Variants in NRBP1 observed in about 807,000 individuals in gnomAD.
NRBP1 encodes nuclear receptor-binding protein.
A neutral mutation model predicts 76.0 loss-of-function variants in NRBP1; 10 were observed. The ratio of observed to expected loss-of-function variants is 0.13; its 90% CI spans 0.08 to 0.22. The LOEUF (loss-of-function observed/expected upper bound fraction) is 0.22. NRBP1 is among the 10% of genes least tolerant of loss of function. NRBP1 has a pLI of 1.00. For missense variants in NRBP1, 344 were observed against 646.0 expected (o/e 0.53, Z 5.07); for synonymous variants, 235 against 240.2 (o/e 0.98, Z 0.20).
intron 17 of NRBP1, 29 bp from the exon 18 acceptor site, chr2:27,441,679 C>A: frequency 1.2e-6 from 2 of 1,610,454 alleles, no homozygotes; most frequent in Non-Finnish European, 1.7e-6. Flanking sequence ...TTCTCTCAGC[C>A]CCCATCTTAC....
chr2:27,440,471 A>G lies in NRBP1; in HGVS notation c.1105A>G (p.Ile369Val). Residue 369 changes from isoleucine (I) to valine (V), a missense_variant, in exon 12 of 18, where the codon ATC becomes GTC. Physicochemically the swap from Ile to Val is conservative, Grantham distance 29 (BLOSUM62 3). Coordinates refer to ENST00000379852, the MANE Select transcript of NRBP1 (RefSeq NM_013392.4). ...NMDTSAVLAE[I>V]PAGPGREPVQ... The stretch of plus-strand genomic sequence containing the variant: ...GGATACTAGTGCCGTACTGGCTGAA[A>G]TCCCTGCAGGACCAGGAAGAGAACC... 6.2e-7 allele frequency: 1 copy of G among 1,614,086 alleles called. No individual in the cohort carries two copies. Among genetic ancestry groups the G allele is most frequent in the East Asian group, 2.2e-5 (1 of 44,884 alleles).
In NRBP1 at chr2:27,433,489, G is replaced by A. The variant is rs1664186579; in HGVS notation, c.210+6G>A. On this transcript the variant is annotated splice_donor_region_variant and intron_variant, in intron 2 of 17. Coordinates refer to ENST00000379852, the MANE Select transcript of NRBP1 (RefSeq NM_013392.4). ...GGCAGAAGAGGCGAGAAGAGGTAAG[G>A]TTATGGTACAGTTACTCTTGGGTGA... The A allele has an allele frequency of 6.2e-7, 1 of 1,613,766 alleles. No individual in the cohort carries two copies.
At chr2:27,435,492 GT>G in intron 7 of NRBP1, 1 of 611,138 alleles carries the variant, frequency 1.6e-6, no homozygotes, top group East Asian at 2.7e-5. Context: ...CAAGAGATAG[GT>G]TTGAGGTTTG....
rs375759065 is a variant in NRBP1, at chr2:27,433,711, C to T, written c.249C>T (p.Tyr83=). Reference sequence around the variant, plus strand: ...ATGTACCAGGTATTGACAGTGCATACCTGGCCATGGATACAGAGGAAGGTG... The same window carrying T: ...ATGTACCAGGTATTGACAGTGCATATCTGGCCATGGATACAGAGGAAGGTG... ...QRNVPGIDSA[Y]LAMDTEEGVE... is the part of the protein sequence containing the mutation. The change falls in exon 3 of 18, where the codon TAC becomes TAT. Residue 83 remains tyrosine, a synonymous_variant. Transcript: ENST00000379852. 201 of 1,614,040 alleles carry T rather than the reference C, an allele frequency of 1.2e-4. No homozygotes were observed. The highest frequency in any genetic ancestry group is 1.6e-4 in the Non-Finnish European group (191 of 1,180,016).
In NRBP1 at chr2:27,439,342, G is replaced by A. The variant is rs531934785; in HGVS notation, c.904-424G>A. On this transcript the variant is annotated intron_variant, in intron 10 of 17. Coordinates refer to ENST00000379852, the MANE Select transcript of NRBP1 (RefSeq NM_013392.4). ...CTACTGAAAATACAAAAAATTAGCCGGGCATGGTGGTGGGCACCTGTAGTC... is the reference window on the plus strand; with the variant it reads ...CTACTGAAAATACAAAAAATTAGCCAGGCATGGTGGTGGGCACCTGTAGTC... 5.9e-5 allele frequency among the ~76,000 whole-genome samples: 9 copies of A among 151,958 alleles called. No homozygotes were observed. The South Asian group carries it at 1.9e-3, about 32-fold the overall frequency.
chr2:27,433,939 TA>T, intron 3 of NRBP1, 49 bp from the exon 4 acceptor site: 1 of 1,559,598 alleles, frequency 6.4e-7, no homozygotes, highest in Non-Finnish European at 8.6e-7. Context: ...TTCTCAGGAT[TA>T]TTACAGTGAT....
Position 27,441,198 on chromosome 2 carries a change from G to A in NRBP1, c.1383+18G>A. The A allele has an allele frequency of 1.2e-6, 2 of 1,614,068 alleles. No homozygotes were observed. Among genetic ancestry groups the A allele is most frequent in the Non-Finnish European group, 1.7e-6 (2 of 1,179,978 alleles). ...AACACCACGTAAGGCTCAGGGCTAG[G>A]GTTGCGCAGGGCTAGTAGCCAGAGG... On this transcript the variant is annotated intron_variant, in intron 15 of 17. Coordinates refer to ENST00000379852, the MANE Select transcript of NRBP1 (RefSeq NM_013392.4).
chr2:27,440,572 C>T (rs748947282), intron 12 of NRBP1, 64 bp downstream of exon 12: 6 of 1,600,864 alleles, frequency 3.7e-6, no homozygotes, highest in Admixed American at 1.7e-5. Context: ...GCTCTGTAAA[C>T]TGTCCATTCT....
Position 27,433,284 on chromosome 2 carries a change from G to C in NRBP1, c.11G>C (p.Gly4Ala). MSE[G>A]ESQTVLSSGS... The stretch of plus-strand genomic sequence containing the variant: ...AGTGTTCCTTCCAGCATGTCGGAGG[G>C]GGAGTCCCAGACAGTACTTAGCAGT... Residue 4 changes from glycine (G) to alanine (A), a missense_variant, in exon 2 of 18, where the codon GGG (glycine) becomes GCG (alanine). Gly to Ala is a moderately conservative substitution (Grantham distance 60, BLOSUM62 0). Transcript: ENST00000379852. 1 of 1,613,734 alleles carries C rather than the reference G, an allele frequency of 6.2e-7. No homozygotes were observed. The highest frequency in any genetic ancestry group is 8.5e-7 in the Non-Finnish European group (1 of 1,179,942).
intron 1 of NRBP1, among the ~76,000 whole-genome samples, chr2:27,430,469 CTT>C (rs977927783): frequency 7.9e-5 from 11 of 138,668 alleles, no homozygotes; most frequent in Admixed American, 1.5e-4. Flanking sequence ...TTCTTTTTTT[CTT>C]TTTTTTTTTT....
At chr2:27,427,797 A>C (rs1663926238), upstream of NRBP1, 1 of 152,168 alleles carries the variant, frequency 6.6e-6, no homozygotes, top group South Asian at 2.1e-4. Flanking sequence ...TCCATCATAC[A>C]CGTCTAAGGG....
chr2:27,440,167 A>G (rs2148454047), intron 11 of NRBP1: 1 of 562,830 alleles, frequency 1.8e-6, no homozygotes, highest in South Asian at 2.2e-5. Context: ...ATGTGCCACC[A>G]TGCCTGGGTA....
At chr2:27,431,297 C>G (rs1260192518) in intron 1 of NRBP1, among the ~76,000 whole-genome samples, 1 of 152,154 alleles carries the variant, frequency 6.6e-6, no homozygotes, top group Admixed American at 6.5e-5. Flanking sequence ...GAGACTCCAT[C>G]CCCTCTGCCA....
intron 10 of NRBP1, among the ~76,000 whole-genome samples, chr2:27,438,462 A>G (rs1233731865): frequency 1.3e-5 from 2 of 152,230 alleles, no homozygotes; most frequent in African/African-American, 4.8e-5. Context: ...AAACAAGAAC[A>G]GTTTGTAACT....
At chr2:27,436,884 C>A in intron 8 of NRBP1, 48 bp downstream of exon 8, 1 of 1,545,016 alleles carries the variant, frequency 6.5e-7, no homozygotes, top group Non-Finnish European at 8.9e-7. Context: ...CCTGCTTTTG[C>A]ACCTTATAAC....
chr2:27,441,303 C>T lies in NRBP1; in HGVS notation c.1420C>T (p.Arg474Trp). The T allele has an allele frequency of 1.2e-6, 2 of 1,614,070 alleles. No homozygotes were observed. Among genetic ancestry groups the T allele is most frequent in the South Asian group, 1.1e-5 (1 of 91,078 alleles). Residue 474 changes from arginine to tryptophan, a missense_variant, in exon 16 of 18, where the codon CGG becomes TGG. Physicochemically the swap from Arg to Trp is moderately radical, Grantham distance 101. This residue lies in a region of NRBP1 where 218 missense variants were observed against 309.8 expected (regional missense o/e 0.70). Coordinates refer to ENST00000379852, the MANE Select transcript of NRBP1 (RefSeq NM_013392.4). ...LLLKLEDKLN[R>W]HLSCDLMPNE... ...GCTGAAGTTGGAGGACAAACTGAAC[C>T]GGCACCTGAGCTGTGACCTGATGCC... is the stretch of plus-strand genomic sequence containing the variant.
At position 27,439,995 on chromosome 2, in the gene NRBP1, CTTTTTTTTTTTTTTTTTTTTTTT is replaced by C. The variant is rs70953859; in HGVS notation, c.1036+111_1036+133del. On this transcript the variant is annotated intron_variant, in intron 11 of 17. Coordinates refer to ENST00000379852, the MANE Select transcript of NRBP1 (RefSeq NM_013392.4). ...TTTCCTCTTTATTTCCAAAGGGATT[CTTTTTTTTTTTTTTTTTTTTTTT>C]TTTTTTTTTTTTTGAGACAGAGTCT... 3,783 of 454,408 alleles carry C rather than the reference CTTTTTTTTTTTTTTTTTTTTTTT, an allele frequency of 8.3e-3. 47 individuals are homozygous for C. Among genetic ancestry groups the C allele is most frequent in the South Asian group, 0.011 (364 of 33,254 alleles). The allele number at this position is 454,408 out of a possible 1,614,324, so 28.1% of individuals were successfully genotyped here.
At position 27,442,140 on chromosome 2, in the gene NRBP1, TC is replaced by T. The variant is rs1664609079; in HGVS notation, c.*329del. On this transcript the variant is annotated 3_prime_UTR_variant, in exon 18 of 18. Transcript: ENST00000379852. Reference sequence around the variant, plus strand: ...CCCACGGGCACTAGGGGAGCCGAATTCTACAATCCCGCTGGGGCGGCCGGGG... The same window carrying T: ...CCCACGGGCACTAGGGGAGCCGAATTTACAATCCCGCTGGGGCGGCCGGGG... 1 of 527,838 alleles carries T rather than the reference TC, an allele frequency of 1.9e-6. No individual in the cohort carries two copies. The highest frequency in any genetic ancestry group is 2.0e-5 in the African/African-American group (1 of 49,794). The allele number at this position is 527,838 out of a possible 1,614,324, so 32.7% of individuals were successfully genotyped here.
In NRBP1 at chr2:27,436,843, C is replaced by T. The variant is rs1010767100; in HGVS notation, c.745+7C>T. 1 of 1,612,554 alleles carries T rather than the reference C, an allele frequency of 6.2e-7. No individual in the cohort carries two copies. Among genetic ancestry groups the T allele is most frequent in the African/African-American group, 1.3e-5 (1 of 74,892 alleles). On this transcript the variant is annotated splice_region_variant and intron_variant, in intron 8 of 17. Transcript: ENST00000379852. Reference sequence around the variant, plus strand: ...TTTGCACCAGAGTATGGAGGTGAGCCTTCCTGCTTTCTCTGCCCTGTCCTC... The same window carrying T: ...TTTGCACCAGAGTATGGAGGTGAGCTTTCCTGCTTTCTCTGCCCTGTCCTC...
Sources: allele counts gnomAD v4.1 joint callset (sites outside exome capture counted in the v4.1 genomes callset), GRCh38; gene constraint gnomAD v4.1.1; regional missense constraint gnomAD v4.1.1; transcripts MANE v1.5; gene names NCBI Gene and HGNC (gene_info 2026-07-23, HGNC 2026-07-21).